Variants in RNF157 observed in about 807,000 individuals in gnomAD.
RNF157 encodes the protein E3 ubiquitin ligase RNF157.
RNF157 carries 55 observed loss-of-function variants against 88.3 expected under a neutral mutation model. The ratio of observed to expected loss-of-function variants is 0.62; its 90% CI spans 0.50 to 0.78. The LOEUF is 0.78. RNF157 is among the 30% of genes least tolerant of loss of function. The pLI is 0.00. For synonymous variants in RNF157, 334 were observed against 341.2 expected (o/e 0.98, Z 0.23); for missense variants, 788 against 860.8 (o/e 0.92, Z 1.06).
chr17:76,145,012 A>G lies in RNF157; in HGVS notation c.*223T>C. The G allele has an allele frequency of 2.0e-6, 1 of 500,908 alleles. No individual in the cohort carries two copies. 31.0% of individuals were successfully genotyped at this position (500,908 alleles called of 1,614,324 possible). A position where few individuals can be genotyped will look rare whatever the true frequency, so the allele number is the denominator to read the frequency against. On this transcript the variant is annotated 3_prime_UTR_variant, in exon 19 of 19. Transcript: ENST00000269391. ...GAGGACATTCCAGAGTCCCTGCAAAAGGTCTCGTGAGCTGCAGTTCATTGA... is the reference window on the plus strand; with the variant it reads ...GAGGACATTCCAGAGTCCCTGCAAAGGGTCTCGTGAGCTGCAGTTCATTGA...
At chr17:76,175,777 C>T in intron 2 of RNF157, 2 of 985,158 alleles carry the variant, frequency 2.0e-6, no homozygotes, top group Non-Finnish European at 2.4e-6. Flanking sequence ...TGCGTCTTTT[C>T]CCTTATTCTT....
intron 1 of RNF157, among the ~76,000 whole-genome samples, chr17:76,234,918 T>C (rs545546627): frequency 6.6e-6 from 1 of 152,314 alleles, no homozygotes; most frequent in Admixed American, 6.5e-5. Context: ...GAAACCACTA[T>C]CCTTTCCCCA....
intron 2 of RNF157, among the ~76,000 whole-genome samples, chr17:76,201,785 A>C (rs183165395): frequency 2.0e-5 from 3 of 152,284 alleles, no homozygotes; most frequent in African/African-American, 7.2e-5. Flanking sequence ...AGATCTATCT[A>C]ATTTTTGCTG....
chr17:76,183,763 T>C (rs1555656153), intron 2 of RNF157, among the ~76,000 whole-genome samples: 1 of 152,072 alleles, frequency 6.6e-6, no homozygotes. Flanking sequence ...TCTTCATTTG[T>C]TTAATTATAA....
rs1036546626 is a variant in RNF157, at chr17:76,167,597, G to A, written c.443+54C>T. On this transcript the variant is annotated intron_variant, in intron 4 of 18. Coordinates refer to ENST00000269391, the MANE Select transcript of RNF157 (RefSeq NM_052916.3). ...GGTAATACCATTCTGGAACTCTTCC[G>A]TGGCCTGGTAATAATCTGGGAAGGA... The A allele has an allele frequency of 2.7e-5, 44 of 1,609,268 alleles. 1 individual carries two copies. In the Admixed American group the frequency reaches 5.0e-4, roughly 18 times the overall value.
intron 1 of RNF157, among the ~76,000 whole-genome samples, chr17:76,224,831 T>C (rs971872177): frequency 1.3e-5 from 2 of 152,164 alleles, no homozygotes; most frequent in African/African-American, 4.8e-5. Flanking sequence ...GCCCAGCCCA[T>C]GGGGCGTGGG....
intron 1 of RNF157, 88 bp from the exon 2 acceptor site, chr17:76,212,570 T>C: frequency 2.2e-6 from 2 of 903,724 alleles, no homozygotes; most frequent in Non-Finnish European, 3.5e-6. Flanking sequence ...TTTAAAATGT[T>C]AACCTTTTGG....
chr17:76,228,881 G>A (rs1185192090), intron 1 of RNF157, among the ~76,000 whole-genome samples: 3 of 151,824 alleles, frequency 2.0e-5, no homozygotes, highest in African/African-American at 2.4e-5. Context: ...CTGAGACTGC[G>A]CCATTGGACT....
intron 3 of RNF157, among the ~76,000 whole-genome samples, chr17:76,173,349 C>T (rs2069049810): frequency 6.6e-6 from 1 of 152,050 alleles, no homozygotes; most frequent in Non-Finnish European, 1.5e-5. Flanking sequence ...ATTCTAAGTT[C>T]AAATTTCCCA....
chr17:76,212,063 G>GA (rs111553491), intron 2 of RNF157: 7,046 of 182,242 alleles, frequency 0.039, no homozygotes, highest in Middle Eastern at 0.075. Flanking sequence ...GTGCCATGAA[G>GA]AAAAAAAAAA....
intron 1 of RNF157, among the ~76,000 whole-genome samples, chr17:76,238,265 A>G (rs924101669): frequency 1.3e-5 from 2 of 152,224 alleles, no homozygotes; most frequent in Non-Finnish European, 2.9e-5. Context: ...GGTTTCAAAT[A>G]CACAAAGGTT....
intron 1 of RNF157, chr17:76,225,644 T>C (rs2070068801): frequency 9.8e-7 from 1 of 1,021,118 alleles, no homozygotes; most frequent in Non-Finnish European, 1.4e-6. Context: ...TTGTTTTTAG[T>C]GGCCAAATAA....
intron 1 of RNF157, among the ~76,000 whole-genome samples, chr17:76,219,538 C>T (rs1013168588): frequency 6.6e-6 from 1 of 151,830 alleles, no homozygotes; most frequent in African/African-American, 2.4e-5. Context: ...AGGGAGGGAA[C>T]GAAGTAGAAG....
Position 76,161,705 on chromosome 17 carries a change from G to A in RNF157, c.953-58C>T, listed in dbSNP as rs2068847799. 1.9e-6 allele frequency: 3 copies of A among 1,548,050 alleles called. No individual in the cohort carries two copies. Among genetic ancestry groups the A allele is most frequent in the Non-Finnish European group, 2.7e-6 (3 of 1,128,370 alleles). ...CTGATACAGGATTAAGAATGAACAA[G>A]AGCCCAGACAGAAACCATGATCCCT... On this transcript the variant is annotated intron_variant, in intron 10 of 18. Transcript: ENST00000269391. This position sits in a 1 kb window ranked among gnomAD's most constrained non-coding sequence, Gnocchi z 4.6.
chr17:76,224,017 T>C (rs2070034134), intron 1 of RNF157, among the ~76,000 whole-genome samples: 1 of 152,202 alleles, frequency 6.6e-6, no homozygotes, highest in Admixed American at 6.6e-5. Flanking sequence ...ATCAGCACTT[T>C]CTGGCTCTAC....
intron 1 of RNF157, among the ~76,000 whole-genome samples, chr17:76,217,325 A>T (rs2145039497): frequency 6.6e-6 from 1 of 152,246 alleles, no homozygotes; most frequent in African/African-American, 2.4e-5. Flanking sequence ...ATCTGTTAAA[A>T]GGAAAAATAA....
intron 1 of RNF157, among the ~76,000 whole-genome samples, chr17:76,238,310 CTA>C (rs1184588765): frequency 1.3e-5 from 2 of 152,162 alleles, no homozygotes; most frequent in Non-Finnish European, 2.9e-5. Flanking sequence ...ATTCTATTTT[CTA>C]TGTTTTAGCT....
intron 2 of RNF157, among the ~76,000 whole-genome samples, chr17:76,179,305 G>A (rs1017203961): frequency 3.8e-4 from 58 of 151,776 alleles, no homozygotes; most frequent in African/African-American, 1.3e-3. Flanking sequence ...GACGCAAGAG[G>A]ATCACTTGAG....
At chr17:76,168,379 C>A (rs2068961051) in intron 3 of RNF157, among the ~76,000 whole-genome samples, 1 of 151,566 alleles carries the variant, frequency 6.6e-6, no homozygotes, top group South Asian at 2.1e-4. Context: ...AACTTATAAT[C>A]TATGATTATT....
Sources: gnomAD v4.1 joint callset for allele counts (sites outside exome capture counted in the v4.1 genomes callset) on GRCh38, gnomAD v4.1.1 for gene constraint, Gnocchi (gnomAD v3.1) non-coding constraint, MANE v1.5 for transcripts, NCBI Gene and HGNC (gene_info 2026-07-23, HGNC 2026-07-21) for gene names.